Variants in GALNT13 observed in about 807,000 individuals in gnomAD.
GALNT13 encodes the protein UDP-GalNAc:polypeptide N-acetylgalactosaminyltransferase 13.
GALNT13 carries 28 observed loss-of-function variants against 64.2 expected under a neutral mutation model. The ratio of observed to expected loss-of-function variants is 0.44; its 90% CI spans 0.32 to 0.60. GALNT13 has a LOEUF of 0.60. Among genes scored for constraint, GALNT13 ranks in the 20% least tolerant of loss-of-function variants. GALNT13 has a pLI of 0.05. For missense variants in GALNT13, 577 were observed against 669.8 expected (o/e 0.86, Z 1.53); for synonymous variants, 214 against 224.6 (o/e 0.95, Z 0.42).
intron 3 of GALNT13, among the ~76,000 whole-genome samples, chr2:154,002,054 C>T (rs1462628104): frequency 2.0e-5 from 3 of 151,988 alleles, no homozygotes; most frequent in African/African-American, 7.2e-5. Flanking sequence ...TATTGGGGCT[C>T]TGTTGTATTT....
chr2:154,169,315 A>G (rs1052917288), intron 4 of GALNT13, among the ~76,000 whole-genome samples: 1 of 152,214 alleles, frequency 6.6e-6, no homozygotes, highest in Non-Finnish European at 1.5e-5. Flanking sequence ...AAAATTAGCC[A>G]TCACATTTGG....
the GALNT13 span, among the ~76,000 whole-genome samples, chr2:153,810,086 G>A: frequency 9.9e-5 from 15 of 152,110 alleles, no homozygotes; most frequent in East Asian, 1.5e-3. Context: ...TCAGCCTCTC[G>A]AGTAGCTGGG....
rs1350819793 is a variant in GALNT13 at position 154,051,256 on chromosome 2, T to G, written c.143-89081T>G. Among the ~76,000 whole-genome samples, 5 of 150,698 alleles carry G rather than the reference T, an allele frequency of 3.3e-5. No homozygotes were observed. The East Asian group carries it at 9.8e-4, about 30-fold the overall frequency. The stretch of plus-strand genomic sequence containing the variant: ...AATCTCAATTACTGGAAGAAGCAGG[T>G]GGTGATAATTATCTTACTCCTTCTT... On this transcript the variant is annotated intron_variant, in intron 3 of 12. Transcript: ENST00000392825.
chr2:153,575,214 A>C, the GALNT13 span, among the ~76,000 whole-genome samples: 3 of 152,164 alleles, frequency 2.0e-5, no homozygotes, highest in Non-Finnish European at 2.9e-5. Context: ...TCTGCCAAAC[A>C]AACAACATCT....
At chr2:153,650,783 C>A in the GALNT13 span, among the ~76,000 whole-genome samples, 2 of 152,034 alleles carry the variant, frequency 1.3e-5, no homozygotes, top group African/African-American at 2.4e-5. Flanking sequence ...TTGGAGTGTC[C>A]CTCCAGCAAA....
At chr2:153,735,283 T>C in the GALNT13 span, among the ~76,000 whole-genome samples, 1 of 152,152 alleles carries the variant, frequency 6.6e-6, no homozygotes, top group African/African-American at 2.4e-5. Context: ...TTAATGGTTT[T>C]AGTTTGTTGT....
At chr2:154,153,440 G>A (rs1395132682) in intron 4 of GALNT13, among the ~76,000 whole-genome samples, 1 of 152,206 alleles carries the variant, frequency 6.6e-6, no homozygotes, top group Non-Finnish European at 1.5e-5. Flanking sequence ...CATGCTGAGA[G>A]AGCCACTGCT....
At chr2:153,739,710 C>G in the GALNT13 span, among the ~76,000 whole-genome samples, 1 of 150,168 alleles carries the variant, frequency 6.7e-6, no homozygotes, top group Non-Finnish European at 1.5e-5. Flanking sequence ...ATCACATAAA[C>G]TTACTTTGGA....
the GALNT13 span, among the ~76,000 whole-genome samples, chr2:153,142,564 T>G: frequency 6.6e-6 from 1 of 151,954 alleles, no homozygotes; most frequent in African/African-American, 2.4e-5. Context: ...TGTCCCAATT[T>G]TAGAAAAATG....
the GALNT13 span, among the ~76,000 whole-genome samples, chr2:153,863,351 A>G: frequency 1.3e-5 from 2 of 152,136 alleles, no homozygotes; most frequent in African/African-American, 4.8e-5. Context: ...CTCTAACTCT[A>G]TAAGTCATCA....
At chr2:153,811,790 C>G in the GALNT13 span, among the ~76,000 whole-genome samples, 1 of 152,152 alleles carries the variant, frequency 6.6e-6, no homozygotes, top group East Asian at 1.9e-4. Flanking sequence ...GTCACACAAG[C>G]CTCTTTTGAT....
chr2:154,132,894 C>CTAAA (rs1682706912), intron 3 of GALNT13, among the ~76,000 whole-genome samples: 1 of 132,518 alleles, frequency 7.5e-6, no homozygotes, highest in African/African-American at 2.9e-5. Context: ...GACTCTGTCT[C>CTAAA]AAAAAAAAAA....
intron 3 of GALNT13, among the ~76,000 whole-genome samples, chr2:154,020,159 T>G (rs1395334459): frequency 6.6e-6 from 1 of 152,224 alleles, no homozygotes; most frequent in African/African-American, 2.4e-5. Flanking sequence ...GCAATAAACA[T>G]ATGTGTGCAT....
upstream of GALNT13, among the ~76,000 whole-genome samples, chr2:153,870,918 G>A (rs6434941): frequency 0.82 from 124,906 of 151,788 alleles, 52,617 homozygotes; most frequent in Non-Finnish European, 0.9. Context: ...CACCCGAAGG[G>A]CCAAAACTAG....
At chr2:154,250,386 C>T (rs1321759873) in intron 7 of GALNT13, among the ~76,000 whole-genome samples, 1 of 151,984 alleles carries the variant, frequency 6.6e-6, no homozygotes, top group Non-Finnish European at 1.5e-5. Flanking sequence ...TTTTTCCCCA[C>T]ATAGGTTTTA....
chr2:153,565,560 G>A, the GALNT13 span, among the ~76,000 whole-genome samples: 1 of 152,182 alleles, frequency 6.6e-6, no homozygotes, highest in East Asian at 1.9e-4. Flanking sequence ...TCATCCACAA[G>A]TTCTTGGAAA....
At chr2:153,642,891 A>G in the GALNT13 span, among the ~76,000 whole-genome samples, 1 of 151,802 alleles carries the variant, frequency 6.6e-6, no homozygotes, top group East Asian at 1.9e-4. Context: ...TATTTATATT[A>G]GGACTTGAAA....
chr2:153,163,228 A>T, the GALNT13 span, among the ~76,000 whole-genome samples: 1 of 152,202 alleles, frequency 6.6e-6, no homozygotes, highest in East Asian at 1.9e-4. Context: ...ATGGTGAGAC[A>T]GAAAGGAATG....
chr2:153,101,870 TC>T, the GALNT13 span, among the ~76,000 whole-genome samples: 3 of 152,238 alleles, frequency 2.0e-5, no homozygotes, highest in Non-Finnish European at 2.9e-5. Context: ...AGTCTATTCT[TC>T]CTTTCCATCT....
Sources: allele counts gnomAD v4.1 joint callset (sites outside exome capture counted in the v4.1 genomes callset), GRCh38; gene constraint gnomAD v4.1.1; transcripts MANE v1.5; gene names NCBI Gene and HGNC (gene_info 2026-07-23, HGNC 2026-07-21).